Variants in GRM7 observed in about 807,000 individuals in gnomAD.
The protein encoded by GRM7 is glutamate metabotropic receptor 7, also known as metabotropic glutamate receptor 7.
Under a neutral mutation model 84.5 loss-of-function variants are expected in GRM7, and 35 were observed. The ratio of observed to expected loss-of-function variants is 0.41; its 90% CI spans 0.32 to 0.55. The LOEUF (loss-of-function observed/expected upper bound fraction) is 0.55. GRM7 is among the 20% of genes least tolerant of loss of function. The pLI is 0.19. For missense variants in GRM7, 1,003 were observed against 1,194.6 expected (o/e 0.84, Z 2.36); for synonymous variants, 487 against 455.1 (o/e 1.07, Z -0.89).
intron 2 of GRM7, among the ~76,000 whole-genome samples, chr3:7,161,828 T>C (rs1694634015): frequency 6.6e-6 from 1 of 152,174 alleles, no homozygotes; most frequent in African/African-American, 2.4e-5. Flanking sequence ...CAAATAACCA[T>C]ATAGCGTTAG....
chr3:6,998,131 A>AAAAAAAAAAAAAAAC (rs1694887294), intron 1 of GRM7, among the ~76,000 whole-genome samples: 2 of 145,380 alleles, frequency 1.4e-5, no homozygotes, highest in East Asian at 2.0e-4. Context: ...AAAAAAAAAA[A>AAAAAAAAAAAAAAAC]AAAAAAAAGC....
chr3:7,440,711 G>A (rs188821547), intron 5 of GRM7, among the ~76,000 whole-genome samples: 7 of 152,264 alleles, frequency 4.6e-5, no homozygotes, highest in Middle Eastern at 3.4e-3. Flanking sequence ...TGTGCTCAAT[G>A]TGTAGCTCCC....
intron 7 of GRM7, among the ~76,000 whole-genome samples, chr3:7,574,500 A>G (rs1694862511): frequency 6.6e-6 from 1 of 152,164 alleles, no homozygotes; most frequent in East Asian, 1.9e-4. Context: ...TATAGCTCTA[A>G]CCATCATGTA....
intron 1 of GRM7, among the ~76,000 whole-genome samples, chr3:6,995,029 C>T (rs1027342169): frequency 1.3e-5 from 2 of 152,170 alleles, no homozygotes; most frequent in Non-Finnish European, 2.9e-5. Flanking sequence ...AGAAGAGATG[C>T]ATTTCAGAGT....
At chr3:7,439,199 C>T (rs1046707925) in intron 5 of GRM7, among the ~76,000 whole-genome samples, 1 of 152,104 alleles carries the variant, frequency 6.6e-6, no homozygotes, top group Non-Finnish European at 1.5e-5. Context: ...TGAGCAGAGA[C>T]AATGACCACT....
Position 7,570,632 on chromosome 3 carries a change from C to T in GRM7, c.1516-7790C>T, listed in dbSNP as rs572015551. Among the ~76,000 whole-genome samples, 3 of 152,320 alleles carry T rather than the reference C, an allele frequency of 2.0e-5. No homozygotes were observed. In the East Asian group the frequency reaches 5.8e-4, roughly 29 times the overall value. On this transcript the variant is annotated intron_variant, in intron 7 of 9. Transcript: ENST00000357716. The stretch of plus-strand genomic sequence containing the variant: ...CCTTCCTTCTGGCTGCTTTCATGGG[C>T]TGGCATTGAGGGTCTGTGGCTTTTC...
At chr3:6,960,806 C>T (rs911842785) in intron 1 of GRM7, among the ~76,000 whole-genome samples, 1 of 152,086 alleles carries the variant, frequency 6.6e-6, no homozygotes, top group African/African-American at 2.4e-5. Context: ...CTCCTTCTAC[C>T]TATGGTGGGG....
chr3:6,955,222 C>T (rs187664680), intron 1 of GRM7, among the ~76,000 whole-genome samples: 51 of 152,282 alleles, frequency 3.3e-4, no homozygotes, highest in African/African-American at 1.2e-3. Flanking sequence ...AATAATACTG[C>T]ATACAGCATC....
intron 9 of GRM7, among the ~76,000 whole-genome samples, chr3:7,701,167 G>A (rs922119541): frequency 4.6e-5 from 7 of 152,152 alleles, no homozygotes; most frequent in African/African-American, 1.4e-4. Flanking sequence ...CTGGCATAAC[G>A]ATACAGGGGA....
At chr3:7,299,309 A>G (rs1302209729) in intron 3 of GRM7, among the ~76,000 whole-genome samples, 1 of 152,024 alleles carries the variant, frequency 6.6e-6, no homozygotes, top group Admixed American at 6.6e-5. Flanking sequence ...TGTAATCTTG[A>G]CTTTGCTTTT....
chr3:7,652,135 T>C (rs1367011894), intron 8 of GRM7, among the ~76,000 whole-genome samples: 2 of 152,230 alleles, frequency 1.3e-5, no homozygotes, highest in Non-Finnish European at 2.9e-5. Context: ...TTGTTCTGAA[T>C]AGTATACAGA....
intron 1 of GRM7, among the ~76,000 whole-genome samples, chr3:6,944,369 CAT>C (rs1697988414): frequency 6.6e-6 from 1 of 152,008 alleles, no homozygotes; most frequent in Non-Finnish European, 1.5e-5. Flanking sequence ...CTGGTTTTCT[CAT>C]AGTTTTTTAT....
chr3:6,990,973 A>G (rs1034148143), intron 1 of GRM7, among the ~76,000 whole-genome samples: 3 of 152,032 alleles, frequency 2.0e-5, no homozygotes, highest in African/African-American at 7.2e-5. Flanking sequence ...AGAGGCAAAG[A>G]TAGGAGAATT....
rs116743233 is a variant in GRM7, at chr3:6,899,144, A to G, written c.519+37237A>G. 6.4e-3 allele frequency among the ~76,000 whole-genome samples: 977 copies of G among 152,332 alleles called. 15 individuals are homozygous for G. Among genetic ancestry groups the G allele is most frequent in the African/African-American group, 0.023 (950 of 41,576 alleles). ...GAGCTAAGGTGATAATGATCATAAT[A>G]AGAATAATAGCTATCATCCATTGAA... On this transcript the variant is annotated intron_variant, in intron 1 of 9. Coordinates refer to ENST00000357716, the MANE Select transcript of GRM7 (RefSeq NM_000844.4).
At chr3:7,041,209 G>C (rs1273634757) in intron 1 of GRM7, among the ~76,000 whole-genome samples, 2 of 151,990 alleles carry the variant, frequency 1.3e-5, no homozygotes, top group Non-Finnish European at 2.9e-5. Flanking sequence ...TGATTCTTAG[G>C]TGTATACATA....
intron 7 of GRM7, among the ~76,000 whole-genome samples, chr3:7,523,139 C>T (rs1205944376): frequency 6.6e-6 from 1 of 152,172 alleles, no homozygotes; most frequent in Non-Finnish European, 1.5e-5. Context: ...GCGGAGCTAA[C>T]AGAGACATTC....
At chr3:7,329,761 CTT>C (rs1701126702) in intron 4 of GRM7, among the ~76,000 whole-genome samples, 2 of 151,996 alleles carry the variant, frequency 1.3e-5, no homozygotes, top group African/African-American at 4.8e-5. Context: ...TTCCTTTAAA[CTT>C]ATGTTCATAT....
At chr3:7,124,991 T>C (rs1183434074) in intron 1 of GRM7, among the ~76,000 whole-genome samples, 2 of 152,078 alleles carry the variant, frequency 1.3e-5, no homozygotes, top group African/African-American at 2.4e-5. Flanking sequence ...CAGGCTGGAG[T>C]GCAGTGGCGC....
rs992558087 is a variant in GRM7, at chr3:7,099,912, A to G, written c.520-46540A>G. Among the ~76,000 whole-genome samples the G allele has an allele frequency of 7.5e-5, 6 of 79,682 alleles. 3 individuals carry two copies. Among genetic ancestry groups the G allele is most frequent in the Admixed American group, 2.1e-4 (2 of 9,472 alleles). 52.3% of individuals were successfully genotyped at this position (79,682 alleles called of 152,430 possible). ...ATATATACATAGATTATACATATAT[A>G]ATATTAATATATTATATATATTATG... On this transcript the variant is annotated intron_variant, in intron 1 of 9. Coordinates refer to ENST00000357716, the MANE Select transcript of GRM7 (RefSeq NM_000844.4).
Sources: allele counts gnomAD v4.1 joint callset (sites outside exome capture counted in the v4.1 genomes callset), GRCh38; gene constraint gnomAD v4.1.1; transcripts MANE v1.5; gene names NCBI Gene and HGNC (gene_info 2026-07-23, HGNC 2026-07-21).